Variants in TSPAN16 observed in about 807,000 individuals in gnomAD.
TSPAN16 encodes the protein tetraspanin 16.
TSPAN16 carries 23 observed loss-of-function variants against 25.2 expected under a neutral mutation model. That is an observed-to-expected ratio of 0.91 (90% CI 0.66 to 1.29). The LOEUF (loss-of-function observed/expected upper bound fraction) is 1.29. TSPAN16 is among the 50% of genes most tolerant of loss of function. The probability of loss-of-function intolerance (pLI) is 0.00; values close to 1 mark genes in which losing one functional copy is unlikely to be tolerated. For missense variants in TSPAN16, 272 were observed against 299.9 expected, an observed-to-expected ratio of 0.91 and a Z score of 0.69; for synonymous variants, 123 against 124.4, an observed-to-expected ratio of 0.99 and a Z score of 0.08.
chr19:11,317,608 C>A (rs1233884225), downstream of TSPAN16, among the ~76,000 whole-genome samples: 1 of 151,948 alleles, frequency 6.6e-6, no homozygotes, highest in African/African-American at 2.4e-5. Flanking sequence ...GACTCTCCTG[C>A]CTCAGCCTCC....
At chr19:11,303,266 T>C (rs60833169) in intron 4 of TSPAN16, among the ~76,000 whole-genome samples, 4,277 of 140,302 alleles carry the variant, frequency 0.03, 294 homozygotes, top group African/African-American at 0.12. Flanking sequence ...CCCCCAACCC[T>C]GTGCTCTCTG....
chr19:11,313,467 C>T (rs1029209060), intron 6 of TSPAN16, among the ~76,000 whole-genome samples: 2 of 150,312 alleles, frequency 1.3e-5, no homozygotes, highest in African/African-American at 4.9e-5. Context: ...GTGGAATTTA[C>T]AGTGAGCCGA....
At chr19:11,308,619 T>G (rs1316078343) in intron 5 of TSPAN16, among the ~76,000 whole-genome samples, 1 of 152,122 alleles carries the variant, frequency 6.6e-6, no homozygotes, top group Non-Finnish European at 1.5e-5. Flanking sequence ...TACAGGCTCC[T>G]GCCAGCATGC....
At chr19:11,310,248 G>C (rs574125410) in intron 5 of TSPAN16, among the ~76,000 whole-genome samples, 148 of 147,278 alleles carry the variant, frequency 1.0e-3, no homozygotes, top group Non-Finnish European at 1.9e-3. Context: ...GAAGAAGGCC[G>C]GGTGTGGTGG....
At chr19:11,306,822 T>C in intron 5 of TSPAN16, 66 bp downstream of exon 5, 1 of 1,490,672 alleles carries the variant, frequency 6.7e-7, no homozygotes, top group Admixed American at 2.1e-5. Flanking sequence ...TTTTTATTTT[T>C]ATCTTATTTT....
In TSPAN16 at chr19:11,301,311, G is replaced by A. The variant is rs758676989; in HGVS notation, c.450+3G>A. 1 of 1,611,108 alleles carries A rather than the reference G, an allele frequency of 6.2e-7. No homozygotes were observed. Among genetic ancestry groups the A allele is most frequent in the East Asian group, 2.2e-5 (1 of 44,818 alleles). ...AGTGGAACTTGGTCATGGAGAAGGT[G>A]AGGCTTACTTAAAAAAAAAAAATTG... On this transcript the variant is annotated splice_donor_region_variant and intron_variant, in intron 4 of 6. Coordinates refer to ENST00000590327, the MANE Select transcript of TSPAN16 (RefSeq NM_001282509.2).
At chr19:11,312,060 A>T in intron 5 of TSPAN16, 79 bp from the exon 6 acceptor site, 1 of 1,065,762 alleles carries the variant, frequency 9.4e-7, no homozygotes, top group Non-Finnish European at 1.4e-6. Flanking sequence ...TGAGTGGCCT[A>T]ATGAGTTGGG....
intron 6 of TSPAN16, among the ~76,000 whole-genome samples, chr19:11,314,632 A>T (rs2080726328): frequency 6.6e-6 from 1 of 152,116 alleles, no homozygotes; most frequent in Non-Finnish European, 1.5e-5. Flanking sequence ...CAGATGGTCC[A>T]TTTAAGATGT....
At chr19:11,320,122 C>CTTTTTTTTT (rs373015307), downstream of TSPAN16, among the ~76,000 whole-genome samples, 462 of 106,696 alleles carry the variant, frequency 4.3e-3, 23 homozygotes, top group Admixed American at 0.013. Flanking sequence ...CCGGCCAGGA[C>CTTTTTTTTT]TTTTTTTTTT....
chr19:11,298,052 G>T, intron 1 of TSPAN16, 90 bp from the exon 2 acceptor site: 1 of 1,395,818 alleles, frequency 7.2e-7, no homozygotes, highest in Non-Finnish European at 1.0e-6. Context: ...AAAGTGCTGG[G>T]ATTACAGGCA....
rs2080805175 is a variant in TSPAN16 at position 11,325,306 on chromosome 19, C to T, written c.688-1488C>T. The T allele has an allele frequency of 2.0e-5, 16 of 797,094 alleles. No homozygotes were observed. The East Asian group carries it at 4.3e-4, about 22-fold the overall frequency. The allele number at this position is 797,094 out of a possible 1,614,324, so 49.4% of individuals were successfully genotyped here. On this transcript the variant is annotated intron_variant, in intron 6 of 6. Coordinates refer to the TSPAN16 transcript ENST00000316737. ...GCAGTTGACAGGAGGGAAGGGATTG[C>T]CCTGAGCTTGGAGATAACCACTGTG...
At chr19:11,300,885 G>A in intron 3 of TSPAN16, 1 of 207,786 alleles carries the variant, frequency 4.8e-6, no homozygotes, top group Non-Finnish European at 9.7e-6. Context: ...ATTCTTTAAT[G>A]GAGTTACAGC....
intron 6 of TSPAN16, chr19:11,326,655 G>A (rs1359756154): frequency 3.5e-6 from 2 of 568,324 alleles, no homozygotes; most frequent in Non-Finnish European, 6.2e-6. Flanking sequence ...CCAGGCCGGG[G>A]TGTAGTGGTA....
intron 4 of TSPAN16, among the ~76,000 whole-genome samples, chr19:11,302,970 C>T (rs1203368993): frequency 4.7e-5 from 7 of 150,018 alleles, no homozygotes; most frequent in South Asian, 2.1e-4. Context: ...CCGCCCCGTC[C>T]GGGAGGTGAG....
chr19:11,318,372 G>A (rs545834530), downstream of TSPAN16, among the ~76,000 whole-genome samples: 21 of 152,158 alleles, frequency 1.4e-4, no homozygotes, highest in South Asian at 4.4e-3. Context: ...TTGTTAGCCA[G>A]GATGGTCTGG....
rs1051276889 is a variant in TSPAN16, at chr19:11,315,782, G to T, written c.688-9G>T. ...ATTGGATCCATGTTTCTTTCTTCAC[G>T]CATTTCAGTTGCCAGGAATTCTTGC... On this transcript the variant is annotated splice_polypyrimidine_tract_variant and intron_variant, in intron 6 of 6. Coordinates refer to ENST00000590327, the MANE Select transcript of TSPAN16 (RefSeq NM_001282509.2). 8.1e-7 allele frequency: 1 copy of T among 1,231,570 alleles called. No homozygotes were observed. The highest frequency in any genetic ancestry group is 1.6e-5 in the African/African-American group (1 of 64,404). The allele number at this position is 1,231,570 out of a possible 1,614,324, so 76.3% of individuals were successfully genotyped here.
chr19:11,305,955 T>G (rs115204398), intron 4 of TSPAN16, among the ~76,000 whole-genome samples: 2,195 of 151,986 alleles, frequency 0.014, 37 homozygotes, highest in African/African-American at 0.049. Context: ...TGGTATCAGG[T>G]TCATAACTGC....
At chr19:11,299,411 C>A (rs924758054) in intron 3 of TSPAN16, among the ~76,000 whole-genome samples, 1 of 152,162 alleles carries the variant, frequency 6.6e-6, no homozygotes, top group Non-Finnish European at 1.5e-5. Context: ...AGCTGAAATC[C>A]TCAGCCTGCC....
At chr19:11,308,562 C>T (rs1308376585) in intron 5 of TSPAN16, among the ~76,000 whole-genome samples, 1 of 152,010 alleles carries the variant, frequency 6.6e-6, no homozygotes. Context: ...GCTCTGCCTC[C>T]CAGGTTCATG....
Sources: gnomAD v4.1 joint callset for allele counts (sites outside exome capture counted in the v4.1 genomes callset) on GRCh38, gnomAD v4.1.1 for gene constraint, MANE v1.5 for transcripts, NCBI Gene and HGNC (gene_info 2026-07-23, HGNC 2026-07-21) for gene names.